Variants in MACROD2 observed in about 807,000 individuals in gnomAD.
MACROD2 encodes mono-ADP ribosylhydrolase 2.
Under a neutral mutation model 70.4 loss-of-function variants are expected in MACROD2, and 36 were observed. The observed-to-expected ratio is 0.51, with a 90% CI of 0.39 to 0.68. The LOEUF is 0.68. Ranked by LOEUF, MACROD2 falls within the 30% of genes least tolerant of loss-of-function variation. The pLI, the probability that MACROD2 is intolerant of heterozygous loss-of-function variation, is 0.00. For missense variants in MACROD2, 496 were observed against 538.4 expected (o/e 0.92, Z 0.78); for synonymous variants, 172 against 178.8 (o/e 0.96, Z 0.30).
intron 4 of MACROD2, among the ~76,000 whole-genome samples, chr20:14,530,674 A>G (rs1046123780): frequency 1.3e-5 from 2 of 152,234 alleles, no homozygotes; most frequent in African/African-American, 2.4e-5. Context: ...GTACATTTTA[A>G]TGTTACAGAG....
intron 3 of MACROD2, among the ~76,000 whole-genome samples, chr20:14,438,624 T>C (rs1314632436): frequency 1.3e-5 from 2 of 152,196 alleles, no homozygotes; most frequent in African/African-American, 4.8e-5. Context: ...TGAGGTGTTA[T>C]CTCACAGTGG....
At chr20:14,513,007 G>A (rs766498595) in intron 4 of MACROD2, among the ~76,000 whole-genome samples, 13 of 152,042 alleles carry the variant, frequency 8.6e-5, no homozygotes, top group Admixed American at 2.6e-4. Flanking sequence ...CTTATACATC[G>A]AGAAGCCATT....
chr20:15,857,666 G>A (rs575473266), intron 8 of MACROD2, among the ~76,000 whole-genome samples: 1 of 152,134 alleles, frequency 6.6e-6, no homozygotes, highest in Non-Finnish European at 1.5e-5. Flanking sequence ...TTTCTCTGTG[G>A]CCAGCCCTAA....
At chr20:15,121,065 C>G (rs1486885822) in intron 5 of MACROD2, among the ~76,000 whole-genome samples, 1 of 152,056 alleles carries the variant, frequency 6.6e-6, no homozygotes, top group East Asian at 1.9e-4. Flanking sequence ...TCTTCTTTTT[C>G]TGTTTGTCAA....
intron 5 of MACROD2, among the ~76,000 whole-genome samples, chr20:15,070,240 T>C (rs933183741): frequency 3.3e-5 from 5 of 152,212 alleles, no homozygotes; most frequent in Non-Finnish European, 7.3e-5. Context: ...ATGCCAGTTC[T>C]ACCATTGTAT....
In MACROD2 at chr20:15,085,240, CA is replaced by C. The variant is rs1258663025; in HGVS notation, c.419-144696del. On this transcript the variant is annotated intron_variant, in intron 5 of 17. Coordinates refer to ENST00000684519, the MANE Select transcript of MACROD2 (RefSeq NM_001351661.2). ...CTCACATCATATATAAAAATTAACACAAAATGAATTCAAGACCTAAATGTAA... is the reference window on the plus strand; with the variant it reads ...CTCACATCATATATAAAAATTAACACAAATGAATTCAAGACCTAAATGTAA... 2.0e-5 allele frequency among the ~76,000 whole-genome samples: 3 copies of C among 152,030 alleles called. No homozygotes were observed. In the East Asian group the frequency reaches 5.8e-4, roughly 29 times the overall value.
At chr20:14,862,618 TATATATATATAAATATATATATAA>T (rs1485728014) in intron 5 of MACROD2, among the ~76,000 whole-genome samples, 7 of 15,236 alleles carry the variant, frequency 4.6e-4, no homozygotes, top group Non-Finnish European at 5.2e-4. Context: ...TATATATAAA[TATATATATATAAATATATATATAA>T]ATATATATAT....
At chr20:16,007,228 G>C (rs1009057517) in intron 15 of MACROD2, among the ~76,000 whole-genome samples, 1 of 152,200 alleles carries the variant, frequency 6.6e-6, no homozygotes, top group Non-Finnish European at 1.5e-5. Flanking sequence ...ATAAATGTTT[G>C]TTTTGCATAG....
chr20:15,164,406 C>T (rs2076368920), intron 5 of MACROD2, among the ~76,000 whole-genome samples: 1 of 151,970 alleles, frequency 6.6e-6, no homozygotes, highest in Admixed American at 6.6e-5. Context: ...AGGCCTTGAA[C>T]CAACCCCACA....
At chr20:14,230,348 A>C (rs2122200543) in intron 3 of MACROD2, among the ~76,000 whole-genome samples, 1 of 152,176 alleles carries the variant, frequency 6.6e-6, no homozygotes, top group South Asian at 2.1e-4. Context: ...GGGATATTCT[A>C]ATCCTTTGTA....
intron 8 of MACROD2, among the ~76,000 whole-genome samples, chr20:15,776,073 A>G (rs1489101585): frequency 6.6e-6 from 1 of 152,220 alleles, no homozygotes; most frequent in Non-Finnish European, 1.5e-5. Context: ...TTTAAAAAAC[A>G]AAATGAAGTT....
intron 3 of MACROD2, among the ~76,000 whole-genome samples, chr20:14,193,959 C>T (rs957530413): frequency 1.3e-5 from 2 of 152,196 alleles, no homozygotes; most frequent in Middle Eastern, 3.4e-3. Context: ...ATTTAGGGGA[C>T]AGAATTTTAT....
chr20:14,673,737 G>C (rs2070823808), intron 4 of MACROD2, among the ~76,000 whole-genome samples: 1 of 151,562 alleles, frequency 6.6e-6, no homozygotes, highest in Non-Finnish European at 1.5e-5. Flanking sequence ...TGACCAACAT[G>C]GTAAAACCCC....
intron 12 of MACROD2, among the ~76,000 whole-genome samples, chr20:15,953,562 A>G (rs978993890): frequency 1.3e-5 from 2 of 152,200 alleles, no homozygotes; most frequent in South Asian, 4.1e-4. Flanking sequence ...ACACGCATAC[A>G]CATAAGTTAA....
chr20:15,747,420 A>G (rs540308017), intron 8 of MACROD2, among the ~76,000 whole-genome samples: 3 of 152,260 alleles, frequency 2.0e-5, no homozygotes, highest in South Asian at 4.1e-4. Flanking sequence ...GAAGGATCAC[A>G]CATAGGTTTT....
In MACROD2 at chr20:14,967,746, A is replaced by G. The variant is rs1281865894; in HGVS notation, c.419-262194A>G. ...TAGTGCTTTTGAGTTCTATGTGAGA[A>G]GTCTGCCAATTTACTTCATATTTTC... On this transcript the variant is annotated intron_variant, in intron 5 of 17. Transcript: ENST00000684519. Among the ~76,000 whole-genome samples the G allele has an allele frequency of 3.9e-5, 6 of 152,256 alleles. No homozygotes were observed. The East Asian group carries it at 1.2e-3, about 29-fold the overall frequency.
At chr20:14,822,474 G>T (rs1035349142) in intron 5 of MACROD2, among the ~76,000 whole-genome samples, 1 of 152,058 alleles carries the variant, frequency 6.6e-6, no homozygotes, top group African/African-American at 2.4e-5. Context: ...TGGTGTGCTT[G>T]CAATGCTATC....
chr20:15,863,925 A>G (rs2064458969), intron 9 of MACROD2, among the ~76,000 whole-genome samples: 1 of 152,214 alleles, frequency 6.6e-6, no homozygotes, highest in Non-Finnish European at 1.5e-5. Flanking sequence ...CTAATTTTAT[A>G]ATTGAAAGCT....
At chr20:15,554,468 T>C (rs1213403960) in intron 8 of MACROD2, among the ~76,000 whole-genome samples, 1 of 151,936 alleles carries the variant, frequency 6.6e-6, no homozygotes, top group Admixed American at 6.6e-5. Flanking sequence ...GATAAAAACT[T>C]GGTATGTTAA....
Sources: allele counts gnomAD v4.1 joint callset (sites outside exome capture counted in the v4.1 genomes callset), GRCh38; gene constraint gnomAD v4.1.1; transcripts MANE v1.5; gene names NCBI Gene and HGNC (gene_info 2026-07-23, HGNC 2026-07-21).